The following RANBP17 variants were observed in gnomAD, a reference collection of about 807,000 sequenced individuals.
RANBP17 encodes the protein RAN binding protein 17.
Under a neutral mutation model 141.2 loss-of-function variants are expected in RANBP17, and 158 were observed. The observed-to-expected ratio is 1.12, with a 90% CI of 0.98 to 1.28. The LOEUF is 1.28. Among genes scored for constraint, RANBP17 ranks in the 50% most tolerant of loss-of-function variants. The probability of loss-of-function intolerance (pLI) is 0.00; values close to 1 mark genes in which losing one functional copy is unlikely to be tolerated. For missense variants in RANBP17, 1,438 were observed against 1,290.7 expected (o/e 1.11, Z -1.75); for synonymous variants, 430 against 450.0 (o/e 0.96, Z 0.56).
chr5:170,987,391 G>T (rs375570715), intron 14 of RANBP17, among the ~76,000 whole-genome samples: 1 of 151,176 alleles, frequency 6.6e-6, no homozygotes, highest in Non-Finnish European at 1.5e-5. Context: ...GACCTAGTTA[G>T]GTTTTCCTTC....
chr5:171,271,709 A>G (rs1767125953), intron 25 of RANBP17: 1 of 211,208 alleles, frequency 4.7e-6, no homozygotes, highest in East Asian at 7.1e-5. Context: ...AACATTCACA[A>G]CTGGATCAGG....
chr5:170,948,681 G>GT (rs1430634876), intron 12 of RANBP17, among the ~76,000 whole-genome samples: 1 of 152,166 alleles, frequency 6.6e-6, no homozygotes, highest in Non-Finnish European at 1.5e-5. Flanking sequence ...AATCCCATGG[G>GT]TTTTTTGCAG....
At chr5:170,931,254 G>T (rs1773349742) in intron 12 of RANBP17, among the ~76,000 whole-genome samples, 1 of 152,038 alleles carries the variant, frequency 6.6e-6, no homozygotes, top group Non-Finnish European at 1.5e-5. Context: ...TTTTTGATGG[G>T]GTTGTTTGAT....
At chr5:170,928,933 C>T (rs1773133263) in intron 12 of RANBP17, among the ~76,000 whole-genome samples, 1 of 151,976 alleles carries the variant, frequency 6.6e-6, no homozygotes, top group Non-Finnish European at 1.5e-5. Flanking sequence ...TTGAGGCCTG[C>T]AGTTCATGAA....
intron 16 of RANBP17, 21 bp downstream of exon 16, chr5:171,171,307 C>G (rs750613498): frequency 7.4e-7 from 1 of 1,359,622 alleles, no homozygotes; most frequent in Non-Finnish European, 1.0e-6. Flanking sequence ...CACTGTATAT[C>G]TGACATTATG....
At chr5:171,141,390 A>T (rs1757680752) in intron 14 of RANBP17, among the ~76,000 whole-genome samples, 1 of 151,342 alleles carries the variant, frequency 6.6e-6, no homozygotes, top group East Asian at 1.9e-4. Context: ...AGGTCAGGAG[A>T]TCAAGACCAT....
At chr5:170,974,815 T>C (rs1448882165) in intron 14 of RANBP17, among the ~76,000 whole-genome samples, 1 of 152,194 alleles carries the variant, frequency 6.6e-6, no homozygotes, top group Non-Finnish European at 1.5e-5. Flanking sequence ...CTTGGGCCTA[T>C]GGAACTGTAC....
At chr5:170,868,570 CCTGT>C (rs751143197) in intron 1 of RANBP17, among the ~76,000 whole-genome samples, 2 of 152,102 alleles carry the variant, frequency 1.3e-5, no homozygotes, top group Non-Finnish European at 2.9e-5. Context: ...CCATGCCTGG[CCTGT>C]CTGTTTGTAT....
intron 18 of RANBP17, among the ~76,000 whole-genome samples, chr5:171,199,074 A>T (rs926121435): frequency 2.6e-4 from 39 of 151,280 alleles, no homozygotes; most frequent in African/African-American, 4.1e-4. Context: ...TTCTCTATTT[A>T]AAAAAAAAGA....
At chr5:171,075,868 G>A (rs180783531) in intron 14 of RANBP17, among the ~76,000 whole-genome samples, 4 of 152,100 alleles carry the variant, frequency 2.6e-5, no homozygotes, top group East Asian at 1.9e-4. Flanking sequence ...CATGAGAATC[G>A]CTTGAACCTA....
At chr5:171,068,588 T>C (rs1327858442) in intron 14 of RANBP17, among the ~76,000 whole-genome samples, 1 of 151,942 alleles carries the variant, frequency 6.6e-6, no homozygotes, top group African/African-American at 2.4e-5. Flanking sequence ...GTTGTTGTTG[T>C]TGTTGTTGTT....
In RANBP17 at chr5:171,064,768, G is replaced by C. The variant is rs951123429; in HGVS notation, c.1710+96391G>C. The stretch of plus-strand genomic sequence containing the variant: ...ACTCTTGAGCTCACATGATCTGCCT[G>C]CTTCTGCCTCCCAAAGTACTGGGAT... On this transcript the variant is annotated intron_variant, in intron 14 of 27. Transcript: ENST00000523189. Among the ~76,000 whole-genome samples the C allele has an allele frequency of 4.0e-5, 6 of 151,766 alleles. No individual in the cohort carries two copies. The South Asian group carries it at 1.0e-3, about 26-fold the overall frequency.
At chr5:171,064,119 T>C (rs543735799) in intron 14 of RANBP17, among the ~76,000 whole-genome samples, 136 of 152,240 alleles carry the variant, frequency 8.9e-4, no homozygotes, top group Non-Finnish European at 1.4e-3. Flanking sequence ...ACTTCTGGAG[T>C]GAGGCAATGC....
rs548437440 is a variant in RANBP17 at position 171,060,422 on chromosome 5, A to G, written c.1710+92045A>G. 5.3e-3 allele frequency among the ~76,000 whole-genome samples: 810 copies of G among 152,148 alleles called. 3 individuals carry two copies. Among genetic ancestry groups the G allele is most frequent in the Non-Finnish European group, 8.3e-3 (564 of 67,996 alleles). On this transcript the variant is annotated intron_variant, in intron 14 of 27. Coordinates refer to ENST00000523189, the MANE Select transcript of RANBP17 (RefSeq NM_022897.5). ...CTTTTTTGCATCTATTGAGATAATC[A>G]TGTGGTTTTTGTCTTTGGTTCTGTT...
At chr5:170,908,159 A>G (rs900147208) in intron 5 of RANBP17, among the ~76,000 whole-genome samples, 16 of 151,960 alleles carry the variant, frequency 1.1e-4, no homozygotes, top group African/African-American at 3.1e-4. Context: ...CAACCCAGCA[A>G]TCCTATTACT....
intron 1 of RANBP17, among the ~76,000 whole-genome samples, chr5:170,869,588 G>A (rs3948566): frequency 0.67 from 102,391 of 151,958 alleles, 34,723 homozygotes; most frequent in South Asian, 0.9. Context: ...GGCAATCTTC[G>A]TTGTTTCTTG....
At chr5:170,945,018 T>C (rs1187309985) in intron 12 of RANBP17, among the ~76,000 whole-genome samples, 1 of 152,230 alleles carries the variant, frequency 6.6e-6, no homozygotes, top group Non-Finnish European at 1.5e-5. Context: ...GGAGTCTCTC[T>C]CTCCCCTGCC....
intron 14 of RANBP17, among the ~76,000 whole-genome samples, chr5:171,138,863 G>A (rs1425379442): frequency 6.6e-6 from 1 of 152,118 alleles, no homozygotes; most frequent in African/African-American, 2.4e-5. Context: ...ATCACTTGAG[G>A]CCAGGAATTC....
chr5:171,100,455 A>T (rs913334599), intron 14 of RANBP17, among the ~76,000 whole-genome samples: 3 of 152,042 alleles, frequency 2.0e-5, no homozygotes, highest in African/African-American at 7.3e-5. Context: ...TATCCCCTTT[A>T]TCATTTTTTA....
Sources: allele counts gnomAD v4.1 joint callset (sites outside exome capture counted in the v4.1 genomes callset), GRCh38; gene constraint gnomAD v4.1.1; transcripts MANE v1.5; gene names NCBI Gene and HGNC (gene_info 2026-07-23, HGNC 2026-07-21).